PPM1L: variants seen among roughly 807,000 people sequenced by gnomAD.
PPM1L encodes protein phosphatase 1L.
PPM1L carries 13 observed loss-of-function variants against 31.4 expected under a neutral mutation model. That is an observed-to-expected ratio of 0.41 (90% confidence interval 0.27 to 0.66). The LOEUF (loss-of-function observed/expected upper bound fraction) is 0.66. Ranked by LOEUF, PPM1L falls within the 30% of genes least tolerant of loss-of-function variation. The probability of loss-of-function intolerance (pLI) is 0.29; values close to 1 mark genes in which losing one functional copy is unlikely to be tolerated. For synonymous variants in PPM1L, 184 were observed against 175.4 expected, an observed-to-expected ratio of 1.05 and a Z score of -0.39; for missense variants, 326 against 453.7, an observed-to-expected ratio of 0.72 and a Z score of 2.56.
At chr3:160,808,383 CTGTGTGTGTGTGTG>C (rs71912617) in intron 1 of PPM1L, among the ~76,000 whole-genome samples, 3 of 110,310 alleles carry the variant, frequency 2.7e-5, no homozygotes, top group Non-Finnish European at 5.8e-5. Flanking sequence ...CAGGATTTTC[CTGTGTGTGTGTGTG>C]TGTGTGTGTG....
At chr3:161,053,594 T>C (rs1719333504) in intron 2 of PPM1L, among the ~76,000 whole-genome samples, 1 of 152,224 alleles carries the variant, frequency 6.6e-6, no homozygotes, top group Non-Finnish European at 1.5e-5. Flanking sequence ...TTAACTCTGG[T>C]GAAGTGTGAA....
At position 160,756,542 on chromosome 3, in the gene PPM1L, C is replaced by G. The variant is rs749607446; in HGVS notation, c.234C>G (p.Leu78=). 1.2e-6 allele frequency: 2 copies of G among 1,614,064 alleles called. No homozygotes were observed. Among genetic ancestry groups the G allele is most frequent in the South Asian group, 1.1e-5 (1 of 91,076 alleles). The change falls in exon 1 of 4, where the codon CTC becomes CTG. Residue 78 remains leucine, a synonymous_variant. Coordinates refer to ENST00000498165, the MANE Select transcript of PPM1L (RefSeq NM_139245.4). This position sits in a 1 kb window ranked among gnomAD's most constrained non-coding sequence, Gnocchi z 6.2. The part of the protein sequence containing the change: ...QNDRLGGLDV[L]EAEFSKTWEF... ...ATCGACTCGGGGGGCTTGATGTGCT[C>G]GAGGCCGAGTTTTCCAAGACCTGGG...
At chr3:160,895,417 T>C (rs750417647) in intron 1 of PPM1L, among the ~76,000 whole-genome samples, 17 of 151,974 alleles carry the variant, frequency 1.1e-4, no homozygotes, top group Non-Finnish European at 2.2e-4. Context: ...CAGGTCTTGC[T>C]ATATTGCCCA....
chr3:160,896,381 A>G (rs954024204), intron 1 of PPM1L, among the ~76,000 whole-genome samples: 1 of 152,198 alleles, frequency 6.6e-6, no homozygotes, highest in Admixed American at 6.5e-5. Flanking sequence ...TCTATTTTCC[A>G]TTTATATTTT....
chr3:161,077,095 G>A lies in PPM1L; in HGVS notation c.*7938G>A, dbSNP rs976319988. On this transcript the variant is annotated 3_prime_UTR_variant, in exon 4 of 4. Coordinates refer to ENST00000498165, the MANE Select transcript of PPM1L (RefSeq NM_139245.4). ...GCTTACACCCTATTGGGGTGTCAGAGATATTATAACACTCAATATTGACCC... is the reference window on the plus strand; with the variant it reads ...GCTTACACCCTATTGGGGTGTCAGAAATATTATAACACTCAATATTGACCC... 9.2e-5 allele frequency: 14 copies of A among 152,166 alleles called. No homozygotes were observed. The highest frequency in any genetic ancestry group is 3.4e-4 in the African/African-American group (14 of 41,424). The allele number at this position is 152,166 out of a possible 1,614,324, so 9.4% of individuals were successfully genotyped here.
chr3:160,909,740 G>A (rs1713889821), intron 1 of PPM1L, among the ~76,000 whole-genome samples: 1 of 152,214 alleles, frequency 6.6e-6, no homozygotes, highest in South Asian at 2.1e-4. Context: ...AACTGCAGTT[G>A]TCATAGAAGC....
chr3:160,965,134 C>T (rs1716097395), intron 2 of PPM1L, among the ~76,000 whole-genome samples: 1 of 151,578 alleles, frequency 6.6e-6, no homozygotes, highest in African/African-American at 2.4e-5. Context: ...GCCTGTAGTC[C>T]CAGCTACTCG....
chr3:160,962,231 G>A (rs1367860509), intron 2 of PPM1L, among the ~76,000 whole-genome samples: 1 of 151,388 alleles, frequency 6.6e-6, no homozygotes, highest in Admixed American at 6.6e-5. Context: ...TCCAAGAAAT[G>A]TTATTCGATT....
intron 1 of PPM1L, among the ~76,000 whole-genome samples, chr3:160,914,323 T>C (rs1313969330): frequency 2.0e-5 from 3 of 152,128 alleles, no homozygotes; most frequent in Non-Finnish European, 4.4e-5. Flanking sequence ...AGTTTTAGGG[T>C]ACATGTGCAC....
intron 1 of PPM1L, among the ~76,000 whole-genome samples, chr3:160,843,114 T>C (rs1365533799): frequency 6.6e-6 from 1 of 152,066 alleles, no homozygotes; most frequent in Non-Finnish European, 1.5e-5. Context: ...TTTAAATTCC[T>C]GGCCCTCCTC....
intron 2 of PPM1L, among the ~76,000 whole-genome samples, chr3:161,050,183 A>G (rs1011909149): frequency 1.3e-5 from 2 of 152,214 alleles, no homozygotes; most frequent in Non-Finnish European, 1.5e-5. Flanking sequence ...AACAGAAAAC[A>G]GGGAGTCAGT....
intron 2 of PPM1L, among the ~76,000 whole-genome samples, chr3:161,026,874 C>T (rs1201270014): frequency 6.6e-6 from 1 of 152,052 alleles, no homozygotes; most frequent in East Asian, 1.9e-4. Context: ...ATCCTGGAGG[C>T]TATTGCTCTT....
intron 1 of PPM1L, among the ~76,000 whole-genome samples, chr3:160,772,726 C>T (rs1274071301): frequency 1.3e-5 from 2 of 152,022 alleles, no homozygotes; most frequent in Non-Finnish European, 2.9e-5. Flanking sequence ...TTCTCCTACC[C>T]TTCTCCTTCA....
intron 2 of PPM1L, among the ~76,000 whole-genome samples, chr3:161,012,401 G>A (rs1239126732): frequency 6.6e-6 from 1 of 152,162 alleles, no homozygotes; most frequent in East Asian, 1.9e-4. Context: ...TTTTTGATGT[G>A]CCACTGGATT....
At chr3:161,032,313 A>C (rs1371531674) in intron 2 of PPM1L, among the ~76,000 whole-genome samples, 1 of 152,200 alleles carries the variant, frequency 6.6e-6, no homozygotes, top group Non-Finnish European at 1.5e-5. Flanking sequence ...ATAATTTGTG[A>C]ATACTCAAAG....
intron 1 of PPM1L, among the ~76,000 whole-genome samples, chr3:160,875,002 A>T (rs1712456221): frequency 6.6e-6 from 1 of 152,222 alleles, no homozygotes; most frequent in African/African-American, 2.4e-5. Flanking sequence ...TAGAGCAGAA[A>T]TAAACTCTGA....
chr3:160,757,182 G>T (rs1714833358), intron 1 of PPM1L, among the ~76,000 whole-genome samples: 1 of 152,208 alleles, frequency 6.6e-6, no homozygotes, highest in Non-Finnish European at 1.5e-5. Flanking sequence ...CTCATTGAGG[G>T]TGAAGGAAGC....
chr3:161,024,534 A>C (rs1257030273), intron 2 of PPM1L, among the ~76,000 whole-genome samples: 1 of 151,948 alleles, frequency 6.6e-6, no homozygotes, highest in Non-Finnish European at 1.5e-5. Flanking sequence ...CCCCATCTCT[A>C]CTAAAAATAC....
intron 2 of PPM1L, among the ~76,000 whole-genome samples, chr3:161,064,284 T>C (rs1719660718): frequency 6.6e-6 from 1 of 151,826 alleles, no homozygotes; most frequent in African/African-American, 2.4e-5. Flanking sequence ...GGGGAATTGC[T>C]TGAGCCGAGG....
Sources: gnomAD v4.1 joint callset for allele counts (sites outside exome capture counted in the v4.1 genomes callset) on GRCh38, gnomAD v4.1.1 for gene constraint, Gnocchi (gnomAD v3.1) non-coding constraint, MANE v1.5 for transcripts, NCBI Gene and HGNC (gene_info 2026-07-23, HGNC 2026-07-21) for gene names.